Variants in HEMK2 observed in about 807,000 individuals in gnomAD.
HEMK2 encodes methyltransferase HEMK2.
chr21:28,595,684 C>A, the HEMK2 span, among the ~76,000 whole-genome samples: 2 of 152,126 alleles, frequency 1.3e-5, no homozygotes, highest in African/African-American at 4.8e-5. Flanking sequence ...TTCTTTTGGG[C>A]ATATACCCAG....
chr21:28,883,474 GA>G, the HEMK2 span, among the ~76,000 whole-genome samples: 4 of 151,960 alleles, frequency 2.6e-5, no homozygotes, highest in Non-Finnish European at 5.9e-5. Context: ...ATTTATTTTT[GA>G]AAAAAGTTCC....
the HEMK2 span, among the ~76,000 whole-genome samples, chr21:28,871,627 C>T: frequency 5.3e-5 from 8 of 151,616 alleles, no homozygotes; most frequent in African/African-American, 1.7e-4. Flanking sequence ...ACAGTGTCAC[C>T]AACTGGGTAA....
the HEMK2 span, among the ~76,000 whole-genome samples, chr21:28,723,986 C>A: frequency 2.0e-5 from 3 of 152,086 alleles, no homozygotes; most frequent in African/African-American, 7.2e-5. Context: ...GACACCAAGG[C>A]CTCAGCAATG....
chr21:28,847,137 T>G, the HEMK2 span, among the ~76,000 whole-genome samples: 1 of 152,206 alleles, frequency 6.6e-6, no homozygotes, highest in African/African-American at 2.4e-5. Flanking sequence ...TTTATATTAC[T>G]TTAGGTATAT....
chr21:28,688,803 T>G, the HEMK2 span, among the ~76,000 whole-genome samples: 1 of 152,056 alleles, frequency 6.6e-6, no homozygotes, highest in African/African-American at 2.4e-5. Flanking sequence ...TATAAACAAA[T>G]ACAATGAAAA....
the HEMK2 span, among the ~76,000 whole-genome samples, chr21:28,775,973 A>T: frequency 6.7e-6 from 1 of 150,228 alleles, no homozygotes; most frequent in African/African-American, 2.4e-5. Context: ...GGTGAGGGTA[A>T]AAAAAAAAGA....
chr21:28,647,533 A>T, the HEMK2 span, among the ~76,000 whole-genome samples: 1 of 149,796 alleles, frequency 6.7e-6, no homozygotes, highest in Admixed American at 6.7e-5. Context: ...AAAGAAAAAG[A>T]AAGTAGCACT....
the HEMK2 span, among the ~76,000 whole-genome samples, chr21:28,753,709 C>T: frequency 0.033 from 5,091 of 152,272 alleles, 148 homozygotes; most frequent in Middle Eastern, 0.11. Flanking sequence ...AAAAGAAACA[C>T]CTTTCACAAA....
the HEMK2 span, among the ~76,000 whole-genome samples, chr21:28,665,334 C>CTTTTTTTTTTTTTT: frequency 1.4e-4 from 5 of 36,674 alleles, no homozygotes; most frequent in African/African-American, 2.6e-4. Context: ...ATTTATATTT[C>CTTTTTTTTTTTTTT]TTTTTTTTTT....
chr21:28,623,376 A>C, the HEMK2 span, among the ~76,000 whole-genome samples: 1 of 152,218 alleles, frequency 6.6e-6, no homozygotes, highest in African/African-American at 2.4e-5. Context: ...ATGCTTTTAC[A>C]CTGTTGGTGG....
At chr21:28,709,457 T>C in the HEMK2 span, among the ~76,000 whole-genome samples, 1 of 152,104 alleles carries the variant, frequency 6.6e-6, no homozygotes, top group African/African-American at 2.4e-5. Flanking sequence ...GGAATGCACT[T>C]CTCTAGTATT....
chr21:28,669,448 T>G, the HEMK2 span, among the ~76,000 whole-genome samples: 3 of 152,196 alleles, frequency 2.0e-5, no homozygotes, highest in Non-Finnish European at 4.4e-5. Context: ...CATTTGACTT[T>G]GCAGTTCCTC....
At chr21:28,872,911 A>G in the HEMK2 span, 2 of 152,342 alleles carry the variant, frequency 1.3e-5, no homozygotes, top group East Asian at 3.9e-4. Context: ...GTTCAAATGC[A>G]AATCTTGTCT....
the HEMK2 span, among the ~76,000 whole-genome samples, chr21:28,609,431 T>A: frequency 6.6e-6 from 1 of 152,054 alleles, no homozygotes. Flanking sequence ...CACTCTGACA[T>A]AGTCTACCCA....
At chr21:28,616,376 T>G in the HEMK2 span, among the ~76,000 whole-genome samples, 1 of 152,204 alleles carries the variant, frequency 6.6e-6, no homozygotes, top group Non-Finnish European at 1.5e-5. Context: ...AATATGGACT[T>G]ATATCCAGCA....
At chr21:28,637,070 G>C in the HEMK2 span, among the ~76,000 whole-genome samples, 2 of 152,220 alleles carry the variant, frequency 1.3e-5, no homozygotes, top group African/African-American at 4.8e-5. Flanking sequence ...GAGTCGACTG[G>C]GTAGTTCATG....
the HEMK2 span, among the ~76,000 whole-genome samples, chr21:28,884,495 A>G: frequency 6.6e-6 from 1 of 152,246 alleles, no homozygotes. Flanking sequence ...CTTACATTTA[A>G]AAATCACAAT....
chr21:28,613,449 T>A, the HEMK2 span, among the ~76,000 whole-genome samples: 3 of 151,756 alleles, frequency 2.0e-5, no homozygotes, highest in East Asian at 5.8e-4. Context: ...AAAAATCAAT[T>A]AAATAAAATA....
the HEMK2 span, among the ~76,000 whole-genome samples, chr21:28,755,431 GT>G: frequency 6.6e-6 from 1 of 152,146 alleles, no homozygotes; most frequent in Non-Finnish European, 1.5e-5. Context: ...TTTGTCCTGG[GT>G]TTTAGTTTAG....
Sources: allele counts gnomAD v4.1 joint callset (sites outside exome capture counted in the v4.1 genomes callset), GRCh38; gene constraint gnomAD v4.1.1; transcripts MANE v1.5; gene names NCBI Gene and HGNC (gene_info 2026-07-23, HGNC 2026-07-21).